CHMP4C: variants seen among roughly 807,000 people sequenced by gnomAD.
CHMP4C encodes the protein SNF7 homolog associated with Alix 3.
A neutral mutation model predicts 29.0 loss-of-function variants in CHMP4C; 28 were observed. That is an observed-to-expected ratio of 0.97 (90% CI 0.72 to 1.32). CHMP4C has a LOEUF of 1.32. Ranked by LOEUF, CHMP4C falls within the 40% of genes most tolerant of loss-of-function variation. The pLI, the probability that CHMP4C is intolerant of heterozygous loss-of-function variation, is 0.00. For synonymous variants in CHMP4C, 106 were observed against 102.4 expected, an observed-to-expected ratio of 1.04 and a Z score of -0.21; for missense variants, 291 against 281.0, an observed-to-expected ratio of 1.04 and a Z score of -0.25.
chr8:81,746,968 TCAA>T (rs1808832778), intron 1 of CHMP4C, among the ~76,000 whole-genome samples: 1 of 152,200 alleles, frequency 6.6e-6, no homozygotes. Flanking sequence ...CATTTACTTC[TCAA>T]CAACTAAATG....
At chr8:81,756,573 A>G (rs754118987) in intron 3 of CHMP4C, among the ~76,000 whole-genome samples, 2 of 152,158 alleles carry the variant, frequency 1.3e-5, no homozygotes, top group Non-Finnish European at 2.9e-5. Flanking sequence ...GTGATAATGA[A>G]GATTTTTGGA....
At chr8:81,756,852 A>G (rs993499385) in intron 3 of CHMP4C, among the ~76,000 whole-genome samples, 6 of 152,198 alleles carry the variant, frequency 3.9e-5, no homozygotes, top group Non-Finnish European at 8.8e-5. Flanking sequence ...GAGCAGAAAT[A>G]GGACGCCAGG....
intron 1 of CHMP4C, among the ~76,000 whole-genome samples, chr8:81,744,188 T>C (rs916250677): frequency 1.1e-4 from 16 of 152,204 alleles, no homozygotes; most frequent in Non-Finnish European, 1.3e-4. Flanking sequence ...GGAGGTTACA[T>C]ATAAGATTCA....
intron 1 of CHMP4C, among the ~76,000 whole-genome samples, chr8:81,751,496 A>G (rs1440297282): frequency 6.6e-6 from 1 of 152,140 alleles, no homozygotes; most frequent in Non-Finnish European, 1.5e-5. Context: ...GATACTGATT[A>G]ATTTCCTTTC....
intron 2 of CHMP4C, 95 bp downstream of exon 2, chr8:81,753,336 C>G (rs982773136): frequency 3.5e-6 from 3 of 858,696 alleles, no homozygotes; most frequent in Non-Finnish European, 5.0e-6. Flanking sequence ...AATGGGTTTA[C>G]TCATTTGAGG....
intron 1 of CHMP4C, among the ~76,000 whole-genome samples, chr8:81,749,776 C>T (rs1036930720): frequency 2.6e-5 from 4 of 152,200 alleles, no homozygotes; most frequent in African/African-American, 9.6e-5. Context: ...TGTTTACCTT[C>T]AAATCTGGGC....
intron 1 of CHMP4C, among the ~76,000 whole-genome samples, chr8:81,738,028 C>T (rs1224929224): frequency 5.3e-5 from 8 of 152,218 alleles, no homozygotes; most frequent in African/African-American, 1.9e-4. Flanking sequence ...GAGGTTTTCT[C>T]ACTAGGGGCA....
intron 1 of CHMP4C, among the ~76,000 whole-genome samples, chr8:81,741,205 G>T (rs7838740): frequency 1.2e-4 from 19 of 152,028 alleles, no homozygotes; most frequent in African/African-American, 4.3e-4. Context: ...GTAAATATTT[G>T]AACATTTATC....
chr8:81,736,345 T>C (rs1002950930), intron 1 of CHMP4C, among the ~76,000 whole-genome samples: 18 of 151,720 alleles, frequency 1.2e-4, no homozygotes, highest in South Asian at 1.0e-3. Context: ...TTTTTTTGTA[T>C]AGGTGAGGTC....
rs1808631226 is a variant in CHMP4C at position 81,732,569 on chromosome 8, G to C, written c.-58G>C. The C allele has an allele frequency of 1.5e-6, 2 of 1,363,876 alleles. No individual in the cohort carries two copies. Among genetic ancestry groups the C allele is most frequent in the African/African-American group, 1.5e-5 (1 of 67,994 alleles). 84.5% of individuals were successfully genotyped at this position (1,363,876 alleles called of 1,614,324 possible). On this transcript the variant is annotated 5_prime_UTR_variant, in exon 1 of 5. Coordinates refer to ENST00000297265, the MANE Select transcript of CHMP4C (RefSeq NM_152284.4). ...CCTTGCTCACCTGTCCCCTCGGCGC[G>C]GCCCCGGGGAGCTCCCGAGAGGCCC...
Position 81,732,681 on chromosome 8 carries a change from G to C in CHMP4C, c.55G>C (p.Ala19Pro). ...GGGCGGCTCTTCTAAGAGCCGAGCC[G>C]CTCCCAGTCCCCAGGAGGCCCTGGT... ...KGGGSSKSRA[A>P]PSPQEALVRL... Residue 19 changes from alanine (A) to proline (P), a missense_variant, in exon 1 of 5, where the codon GCT becomes CCT. By Grantham distance (27) the Ala-to-Pro change is conservative. Transcript: ENST00000297265. 2 of 1,582,900 alleles carry C rather than the reference G, an allele frequency of 1.3e-6. No individual in the cohort carries two copies. The highest frequency in any genetic ancestry group is 1.7e-6 in the Non-Finnish European group (2 of 1,164,506).
At chr8:81,755,339 C>T (rs1466888296) in intron 2 of CHMP4C, 31 bp from the exon 3 acceptor site, 2 of 1,265,538 alleles carry the variant, frequency 1.6e-6, no homozygotes, top group Non-Finnish European at 2.2e-6. Flanking sequence ...AGTTAAAATT[C>T]TAAAATGTTC....
rs1023341969 is a variant in CHMP4C, at chr8:81,753,229, T to C, written c.356T>C (p.Val119Ala). The change falls in exon 2 of 5, where the codon GTT (valine) becomes GCT (alanine). Residue 119 changes from valine (V) to alanine (A), a missense_variant. Transcript: ENST00000297265. ...MGFAAKAMKS[V>A]HENMDLNKID... is the part of the protein sequence containing the mutation. The stretch of plus-strand genomic sequence containing the variant: ...TTTGCAGCAAAAGCGATGAAATCTG[T>C]TCATGAAAACATGTGAGTGACTCTG... 1.2e-6 allele frequency: 2 copies of C among 1,601,948 alleles called. No individual in the cohort carries two copies. Among genetic ancestry groups the C allele is most frequent in the African/African-American group, 2.7e-5 (2 of 74,294 alleles).
At chr8:81,741,503 G>A (rs139622305) in intron 1 of CHMP4C, among the ~76,000 whole-genome samples, 1 of 152,172 alleles carries the variant, frequency 6.6e-6, no homozygotes, top group African/African-American at 2.4e-5. Flanking sequence ...TATTTCAGGT[G>A]ATTTTTTAAG....
chr8:81,754,716 C>T (rs1808948993), intron 2 of CHMP4C, among the ~76,000 whole-genome samples: 1 of 152,152 alleles, frequency 6.6e-6, no homozygotes, highest in Non-Finnish European at 1.5e-5. Context: ...GCCAGTGAAG[C>T]TCAGGTGTTG....
intron 1 of CHMP4C, among the ~76,000 whole-genome samples, chr8:81,736,120 TAAATAAA>T (rs1808687545): frequency 1.4e-5 from 2 of 147,032 alleles, no homozygotes; most frequent in Non-Finnish European, 3.0e-5. Context: ...AATAAATAAA[TAAATAAA>T]TAAATAAATA....
intron 1 of CHMP4C, among the ~76,000 whole-genome samples, chr8:81,742,643 T>C (rs1280213949): frequency 6.6e-6 from 1 of 152,240 alleles, no homozygotes; most frequent in African/African-American, 2.4e-5. Context: ...GCAGTAACGT[T>C]GTTTAACAGG....
At chr8:81,743,234 A>G (rs1415007134) in intron 1 of CHMP4C, among the ~76,000 whole-genome samples, 2 of 150,962 alleles carry the variant, frequency 1.3e-5, no homozygotes, top group East Asian at 1.9e-4. Flanking sequence ...AGATAATTGA[A>G]TCATATTAAA....
intron 3 of CHMP4C, among the ~76,000 whole-genome samples, chr8:81,756,059 T>C (rs1027856492): frequency 1.3e-5 from 2 of 152,336 alleles, no homozygotes; most frequent in Admixed American, 6.5e-5. Context: ...AGTACACATT[T>C]AGAAACATTT....
Sources: allele counts gnomAD v4.1 joint callset (sites outside exome capture counted in the v4.1 genomes callset), GRCh38; gene constraint gnomAD v4.1.1; transcripts MANE v1.5; gene names NCBI Gene and HGNC (gene_info 2026-07-23, HGNC 2026-07-21).